Variants in SNCAIP observed in about 807,000 individuals in gnomAD.
The protein encoded by SNCAIP is synuclein alpha interacting protein.
SNCAIP carries 43 observed loss-of-function variants against 86.7 expected under a neutral mutation model. The ratio of observed to expected loss-of-function variants is 0.50; its 90% CI spans 0.39 to 0.64. SNCAIP has a LOEUF of 0.64. Ranked by LOEUF, SNCAIP falls within the 30% of genes least tolerant of loss-of-function variation. SNCAIP has a pLI of 0.00. For missense variants in SNCAIP, 981 were observed against 1,103.1 expected (o/e 0.89, Z 1.57); for synonymous variants, 417 against 427.2 (o/e 0.98, Z 0.29).
rs377501212 is a variant in SNCAIP, at chr5:122,422,010, G to GAA, written c.131-841_131-840dup. Among the ~76,000 whole-genome samples the GAA allele has an allele frequency of 3.2e-3, 135 of 42,212 alleles. 1 individual carries two copies. Among genetic ancestry groups the GAA allele is most frequent in the Middle Eastern group, 0.029 (2 of 68 alleles). 27.7% of individuals were successfully genotyped at this position (42,212 alleles called of 152,430 possible). A position where few individuals can be genotyped will look rare whatever the true frequency, so the allele number is the denominator to read the frequency against. ...TTATCCAAACTTTGCACAGAAATTA[G>GAA]AAAAAAAAAAAAAAAAAACCACTCT... On this transcript the variant is annotated intron_variant, in intron 3 of 10. Coordinates refer to ENST00000261368, the MANE Select transcript of SNCAIP (RefSeq NM_005460.4).
intron 5 of SNCAIP, 30 bp downstream of exon 5, chr5:122,425,561 G>T (rs760807412): frequency 2.5e-6 from 4 of 1,578,842 alleles, no homozygotes; most frequent in Non-Finnish European, 3.5e-6. Flanking sequence ...AACCTCCACA[G>T]CTAGAAGCTG....
At chr5:122,348,195 A>G (rs183631878) in intron 1 of SNCAIP, among the ~76,000 whole-genome samples, 1 of 152,248 alleles carries the variant, frequency 6.6e-6, no homozygotes, top group Admixed American at 6.5e-5. Context: ...TCAGTTCCCA[A>G]GTATTTTTTA....
At chr5:122,315,936 C>T (rs984981637) in intron 1 of SNCAIP, among the ~76,000 whole-genome samples, 2 of 151,888 alleles carry the variant, frequency 1.3e-5, no homozygotes, top group African/African-American at 2.4e-5. Context: ...AGTAAAAAGT[C>T]GAAAGCATTC....
intron 1 of SNCAIP, chr5:122,312,626 T>A (rs538137362): frequency 6.6e-6 from 1 of 152,524 alleles, no homozygotes; most frequent in African/African-American, 2.4e-5. Flanking sequence ...CCCGGGATCT[T>A]ATCGCAGGCA....
At chr5:122,355,982 A>C in intron 1 of SNCAIP, among the ~76,000 whole-genome samples, 1 of 152,144 alleles carries the variant, frequency 6.6e-6, no homozygotes. Context: ...ATTATGGTTC[A>C]GAATAACTTT....
At chr5:122,317,508 G>A (rs1752006166) in intron 1 of SNCAIP, among the ~76,000 whole-genome samples, 1 of 152,146 alleles carries the variant, frequency 6.6e-6, no homozygotes, top group African/African-American at 2.4e-5. Context: ...TTTGGACCAT[G>A]CCACTTGACT....
chr5:122,372,110 C>T (rs926341112), intron 1 of SNCAIP, among the ~76,000 whole-genome samples: 1 of 152,150 alleles, frequency 6.6e-6, no homozygotes, highest in African/African-American at 2.4e-5. Context: ...AACCTCTTAT[C>T]TAACATGCAG....
chr5:122,404,153 T>G (rs1224705633), intron 3 of SNCAIP, among the ~76,000 whole-genome samples: 3 of 152,116 alleles, frequency 2.0e-5, no homozygotes, highest in African/African-American at 7.2e-5. Context: ...ATGCAGCAAT[T>G]TACTGAAAAC....
chr5:122,435,002 C>T (rs74704426), intron 6 of SNCAIP, among the ~76,000 whole-genome samples: 1,860 of 151,970 alleles, frequency 0.012, 34 homozygotes, highest in African/African-American at 0.042. Context: ...ATGGGCTCCA[C>T]GTGACTCCTA....
intron 1 of SNCAIP, among the ~76,000 whole-genome samples, chr5:122,364,514 C>G (rs1414889518): frequency 6.6e-6 from 1 of 152,162 alleles, no homozygotes. Context: ...AGATGGAAGA[C>G]TTTAACTGGA....
At chr5:122,391,052 T>C in intron 1 of SNCAIP, 37 bp from the exon 2 acceptor site, 3 of 1,158,922 alleles carry the variant, frequency 2.6e-6, no homozygotes, top group Non-Finnish European at 3.9e-6. Flanking sequence ...AACGGCTAAA[T>C]TTTTTTGCCT....
intron 1 of SNCAIP, among the ~76,000 whole-genome samples, chr5:122,343,486 C>A (rs780891307): frequency 1.3e-5 from 2 of 152,104 alleles, no homozygotes; most frequent in Non-Finnish European, 2.9e-5. Context: ...TTTCTTAAAA[C>A]TGAAATAATG....
At chr5:122,322,027 CT>C (rs1753048512) in intron 1 of SNCAIP, among the ~76,000 whole-genome samples, 1 of 152,092 alleles carries the variant, frequency 6.6e-6, no homozygotes, top group Admixed American at 6.5e-5. Flanking sequence ...AACAAGCCTC[CT>C]GTTGAGATTG....
Position 122,423,086 on chromosome 5 carries a change from C to T in SNCAIP, c.349C>T (p.Pro117Ser), listed in dbSNP as rs1320546705. The T allele has an allele frequency of 1.9e-6, 3 of 1,613,986 alleles. No individual in the cohort carries two copies. In the East Asian group the frequency reaches 6.7e-5, roughly 36 times the overall value. ...KGGESDLGPQ[P>S]QELGPGDGVG... ...GGGTGAGTCTGACCTGGGCCCCCAG[C>T]CTCAGGAGCTTGGCCCTGGAGATGG... Residue 117 changes from proline (P) to serine (S), a missense_variant, in exon 4 of 11, where the codon CCT (proline) becomes TCT (serine). Pro to Ser is a moderately conservative substitution (Grantham distance 74). Coordinates refer to ENST00000261368, the MANE Select transcript of SNCAIP (RefSeq NM_005460.4).
At position 122,391,120 on chromosome 5, in the gene SNCAIP, G is replaced by A; in HGVS notation, c.-15G>A. The A allele has an allele frequency of 6.2e-7, 1 of 1,605,486 alleles. No homozygotes were observed. Among genetic ancestry groups the A allele is most frequent in the Non-Finnish European group, 8.5e-7 (1 of 1,172,188 alleles). The stretch of plus-strand genomic sequence containing the variant: ...ATAAGTATTTGACCGTACTCAAAAT[G>A]TGCAAGGAAGAATAATGGAAGCCCC... On this transcript the variant is annotated 5_prime_UTR_variant, in exon 2 of 11. In the 5' UTR this introduces an upstream ATG that the reference lacks. Coordinates refer to ENST00000261368, the MANE Select transcript of SNCAIP (RefSeq NM_005460.4).
At chr5:122,448,870 G>A (rs939475407) in intron 8 of SNCAIP, among the ~76,000 whole-genome samples, 3 of 150,874 alleles carry the variant, frequency 2.0e-5, no homozygotes, top group Non-Finnish European at 4.4e-5. Context: ...CAAAAAATTA[G>A]CTGGGCGGAG....
chr5:122,377,490 CAGACAGAG>C (rs1397826454), intron 1 of SNCAIP, among the ~76,000 whole-genome samples: 3 of 118,160 alleles, frequency 2.5e-5, no homozygotes, highest in Non-Finnish European at 5.7e-5. Context: ...GAGAGGGAGA[CAGACAGAG>C]AGAGAGAGAG....
intron 3 of SNCAIP, among the ~76,000 whole-genome samples, chr5:122,406,109 C>T (rs1302729441): frequency 1.3e-5 from 2 of 152,140 alleles, no homozygotes; most frequent in African/African-American, 4.8e-5. Flanking sequence ...AAAAGGAACC[C>T]ACGGAAAAAT....
At chr5:122,358,157 C>G (rs972044789) in intron 1 of SNCAIP, among the ~76,000 whole-genome samples, 1 of 117,206 alleles carries the variant, frequency 8.5e-6, no homozygotes, top group Non-Finnish European at 1.8e-5. Context: ...AAATTTGTTT[C>G]TTTGTGTGTG....
Sources: allele counts gnomAD v4.1 joint callset (sites outside exome capture counted in the v4.1 genomes callset), GRCh38; gene constraint gnomAD v4.1.1; transcripts MANE v1.5; gene names NCBI Gene and HGNC (gene_info 2026-07-23, HGNC 2026-07-21).